MTMR7: variants seen among roughly 807,000 people sequenced by gnomAD.
MTMR7 encodes myotubularin related protein 7, also known as phosphatidylinositol-3-phosphate phosphatase MTMR7.
A neutral mutation model predicts 81.2 loss-of-function variants in MTMR7; 76 were observed. That is an observed-to-expected ratio of 0.94 (90% CI 0.78 to 1.13). The LOEUF is 1.13. Among genes scored for constraint, MTMR7 ranks in the 50% most tolerant of loss-of-function variants. The pLI, the probability that MTMR7 is intolerant of heterozygous loss-of-function variation, is 0.00. For missense variants in MTMR7, 1,044 were observed against 820.0 expected (o/e 1.27, Z -3.34); for synonymous variants, 372 against 289.8 (o/e 1.28, Z -2.88).
chr8:17,398,718 C>G (rs1272124476), intron 1 of MTMR7, among the ~76,000 whole-genome samples: 3 of 151,974 alleles, frequency 2.0e-5, no homozygotes, highest in Non-Finnish European at 4.4e-5. Flanking sequence ...GATTAAATAA[C>G]CAATAAAAGA....
chr8:17,398,654 A>G (rs967901214), intron 1 of MTMR7, among the ~76,000 whole-genome samples: 3 of 152,180 alleles, frequency 2.0e-5, no homozygotes, highest in Non-Finnish European at 4.4e-5. Context: ...CGATAACCAC[A>G]AAGAACGTCC....
chr8:17,361,388 C>A (rs991579221), intron 3 of MTMR7, 114 bp from the exon 4 acceptor site: 7 of 1,087,182 alleles, frequency 6.4e-6, no homozygotes, highest in Non-Finnish European at 8.2e-6. Context: ...CCAACCCCCA[C>A]CCCCAGCACA....
At chr8:17,348,296 G>A (rs900748169) in intron 5 of MTMR7, among the ~76,000 whole-genome samples, 1 of 152,042 alleles carries the variant, frequency 6.6e-6, no homozygotes, top group Admixed American at 6.6e-5. Flanking sequence ...CCAGCACTTT[G>A]TGAGGCCGAG....
intron 10 of MTMR7, among the ~76,000 whole-genome samples, chr8:17,306,175 A>G (rs747358368): frequency 6.6e-6 from 1 of 152,214 alleles, no homozygotes; most frequent in Non-Finnish European, 1.5e-5. Context: ...CGTTCACGTT[A>G]TAGTTACAAA....
At chr8:17,304,292 G>C (rs1383555059) in intron 12 of MTMR7, 87 bp downstream of exon 12, 1 of 1,440,460 alleles carries the variant, frequency 6.9e-7, no homozygotes, top group African/African-American at 1.4e-5. Context: ...TCAAAGATCA[G>C]TGTCATACAC....
Position 17,361,125 on chromosome 8 carries a change from C to G in MTMR7, c.460G>C (p.Asp154His). ...GGGTTTCACGCACTCACTCTGTAGT[C>G]TCTATTCACATCGCTGAGCTGCCAG... is the stretch of plus-strand genomic sequence containing the variant. ...HYWQLSDVNR[D>H]YRVCDSYPTE... The change falls in exon 4 of 14, where the codon GAC becomes CAC. Residue 154 changes from aspartate (D) to histidine (H), a missense_variant. Coordinates refer to ENST00000180173, the MANE Select transcript of MTMR7 (RefSeq NM_004686.5). The G allele has an allele frequency of 3.7e-6, 6 of 1,614,152 alleles. No individual in the cohort carries two copies. Among genetic ancestry groups the G allele is most frequent in the South Asian group, 1.1e-5 (1 of 91,082 alleles).
chr8:17,341,273 C>A, intron 6 of MTMR7, 90 bp downstream of exon 6: 3 of 1,540,784 alleles, frequency 1.9e-6, no homozygotes, highest in South Asian at 2.4e-5. Context: ...ATGAAGCAAC[C>A]TGCACAAGAG....
At chr8:17,377,792 T>C (rs1172438449) in intron 1 of MTMR7, among the ~76,000 whole-genome samples, 1 of 152,158 alleles carries the variant, frequency 6.6e-6, no homozygotes, top group East Asian at 1.9e-4. Flanking sequence ...TGAAAGTTTT[T>C]AAGGGAAGCA....
At chr8:17,373,418 T>C (rs1477203395) in intron 1 of MTMR7, among the ~76,000 whole-genome samples, 178 bp from the exon 2 acceptor site, 3 of 152,212 alleles carry the variant, frequency 2.0e-5, no homozygotes, top group African/African-American at 7.2e-5. Context: ...GGATTGTGTA[T>C]ATTAAAAGAT....
chr8:17,408,755 C>T (rs374691466), intron 1 of MTMR7, among the ~76,000 whole-genome samples: 1 of 151,978 alleles, frequency 6.6e-6, no homozygotes, highest in African/African-American at 2.4e-5. Context: ...TAATATTCAA[C>T]GTAGAGAAGT....
chr8:17,334,828 G>A (rs368961793), intron 6 of MTMR7, among the ~76,000 whole-genome samples: 9 of 152,202 alleles, frequency 5.9e-5, no homozygotes, highest in Non-Finnish European at 1.0e-4. Context: ...AAACTCTGTC[G>A]GCCTGGGGAT....
At chr8:17,386,482 C>T (rs1441519445) in intron 1 of MTMR7, among the ~76,000 whole-genome samples, 1 of 152,210 alleles carries the variant, frequency 6.6e-6, no homozygotes, top group Non-Finnish European at 1.5e-5. Flanking sequence ...GAAATCTCAA[C>T]CTCATATGGC....
chr8:17,385,350 G>A (rs1389608731), intron 1 of MTMR7, among the ~76,000 whole-genome samples: 2 of 151,910 alleles, frequency 1.3e-5, no homozygotes, highest in Non-Finnish European at 2.9e-5. Flanking sequence ...CCCAATCCCC[G>A]CATGCCGTGG....
intron 4 of MTMR7, among the ~76,000 whole-genome samples, chr8:17,351,809 G>T (rs540038385): frequency 6.6e-6 from 1 of 152,370 alleles, no homozygotes; most frequent in South Asian, 2.1e-4. Flanking sequence ...TAGGGTGTCA[G>T]TTAACACGGG....
At chr8:17,311,709 G>T in intron 8 of MTMR7, 73 bp from the exon 9 acceptor site, 2 of 1,599,608 alleles carry the variant, frequency 1.3e-6, no homozygotes, top group South Asian at 1.1e-5. Flanking sequence ...TCACAGCCAG[G>T]TTTGACTGTA....
At chr8:17,321,539 AT>A (rs1273449450) in intron 7 of MTMR7, among the ~76,000 whole-genome samples, 1 of 152,220 alleles carries the variant, frequency 6.6e-6, no homozygotes, top group Non-Finnish European at 1.5e-5. Context: ...TCTGCAGATG[AT>A]TAATAGACAT....
intron 1 of MTMR7, among the ~76,000 whole-genome samples, chr8:17,390,990 A>G (rs2150577675): frequency 6.6e-6 from 1 of 152,326 alleles, no homozygotes; most frequent in East Asian, 1.9e-4. Context: ...CTCTAATAAC[A>G]TAATTAGATA....
At chr8:17,402,707 A>G (rs1821463885) in intron 1 of MTMR7, among the ~76,000 whole-genome samples, 1 of 152,196 alleles carries the variant, frequency 6.6e-6, no homozygotes, top group Non-Finnish European at 1.5e-5. Context: ...TCTGTGAATA[A>G]TGCTGCCATA....
chr8:17,394,723 C>A (rs988409438), intron 1 of MTMR7, among the ~76,000 whole-genome samples: 1 of 152,010 alleles, frequency 6.6e-6, no homozygotes, highest in African/African-American at 2.4e-5. Context: ...ATGCCAAAAT[C>A]AAAAATATAT....
Sources: gnomAD v4.1 joint callset for allele counts (sites outside exome capture counted in the v4.1 genomes callset) on GRCh38, gnomAD v4.1.1 for gene constraint, MANE v1.5 for transcripts, NCBI Gene and HGNC (gene_info 2026-07-23, HGNC 2026-07-21) for gene names.